Variants in COL22A1 observed in about 807,000 individuals in gnomAD.
The protein encoded by COL22A1 is collagen type XXII alpha 1 chain, also known as collagen alpha-1(XXII) chain.
Under a neutral mutation model 248.9 loss-of-function variants are expected in COL22A1, and 221 were observed. That is an observed-to-expected ratio of 0.89 (90% CI 0.80 to 0.99). The LOEUF (loss-of-function observed/expected upper bound fraction) is 0.99, where lower values mean the gene tolerates loss of function less well. Ranked by LOEUF, COL22A1 falls within the 50% of genes least tolerant of loss-of-function variation. The pLI, the probability that COL22A1 is intolerant of heterozygous loss-of-function variation, is 0.00. For synonymous variants in COL22A1, 891 were observed against 793.4 expected, an observed-to-expected ratio of 1.12 and a Z score of -2.07; for missense variants, 2,240 against 2,179.0, an observed-to-expected ratio of 1.03 and a Z score of -0.56.
intron 3 of COL22A1, among the ~76,000 whole-genome samples, chr8:138,876,250 A>G (rs1400162698): frequency 1.3e-5 from 2 of 151,972 alleles, no homozygotes; most frequent in East Asian, 1.9e-4. Context: ...ATCCTTCTCA[A>G]TCCCATGCAG....
At chr8:138,768,216 C>A (rs1434764808) in intron 16 of COL22A1, among the ~76,000 whole-genome samples, 1 of 152,198 alleles carries the variant, frequency 6.6e-6, no homozygotes, top group African/African-American at 2.4e-5. Context: ...GTTCCCATGG[C>A]CTGCAGGATG....
chr8:138,597,197 G>A (rs930460447), intron 61 of COL22A1, among the ~76,000 whole-genome samples: 1 of 152,158 alleles, frequency 6.6e-6, no homozygotes, highest in Admixed American at 6.5e-5. Context: ...GGCTCTCTGA[G>A]CCACTACTGC....
intron 13 of COL22A1, 58 bp from the exon 14 acceptor site, chr8:138,779,620 A>T: frequency 8.4e-7 from 1 of 1,193,524 alleles, no homozygotes; most frequent in South Asian, 1.2e-5. Flanking sequence ...CAGGTACACC[A>T]GAGAAGCCCA....
intron 3 of COL22A1, among the ~76,000 whole-genome samples, chr8:138,850,003 C>G (rs1821511064): frequency 6.6e-6 from 1 of 152,186 alleles, no homozygotes; most frequent in Non-Finnish European, 1.5e-5. Context: ...CCATATTTTA[C>G]AGGTGAACAA....
At chr8:138,629,962 G>A (rs1820572499) in intron 50 of COL22A1, among the ~76,000 whole-genome samples, 1 of 152,164 alleles carries the variant, frequency 6.6e-6, no homozygotes, top group African/African-American at 2.4e-5. Context: ...TTTATAAGAT[G>A]TGGATAATGA....
At chr8:138,761,780 G>C (rs1408383307) in intron 17 of COL22A1, among the ~76,000 whole-genome samples, 1 of 152,098 alleles carries the variant, frequency 6.6e-6, no homozygotes, top group Non-Finnish European at 1.5e-5. Flanking sequence ...GCGTTCACAT[G>C]GTTCAAAACT....
At chr8:138,805,317 G>GTGTGTGATGGTGGGGC (rs1817426302) in intron 10 of COL22A1, among the ~76,000 whole-genome samples, 1 of 96,190 alleles carries the variant, frequency 1.0e-5, no homozygotes, top group Non-Finnish European at 2.0e-5. Context: ...TGTTTGGTGT[G>GTGTGTGATGGTGGGGC]TGTGTGATGG....
chr8:138,636,107 A>G lies in COL22A1; in HGVS notation c.3555+635T>C, dbSNP rs114768263. On this transcript the variant is annotated intron_variant, in intron 48 of 64. Coordinates refer to ENST00000303045, the MANE Select transcript of COL22A1 (RefSeq NM_152888.3). ...AAAAGAGAACAGGGAAAAGGATGACAGCAGCAAAGCAGAAGGATAACAGTC... is the reference window on the plus strand; with the variant it reads ...AAAAGAGAACAGGGAAAAGGATGACGGCAGCAAAGCAGAAGGATAACAGTC... Among the ~76,000 whole-genome samples the G allele has an allele frequency of 6.7e-3, 1,028 of 152,304 alleles. 7 individuals carry two copies. Among genetic ancestry groups the G allele is most frequent in the African/African-American group, 0.024 (995 of 41,570 alleles).
intron 2 of COL22A1, among the ~76,000 whole-genome samples, chr8:138,879,673 A>G (rs1462372391): frequency 7.4e-6 from 1 of 135,502 alleles, no homozygotes; most frequent in Admixed American, 8.0e-5. Context: ...CCTGGGTGAC[A>G]GAGTGAGACA....
At chr8:138,848,048 A>T (rs1008084387) in intron 3 of COL22A1, among the ~76,000 whole-genome samples, 4 of 152,206 alleles carry the variant, frequency 2.6e-5, no homozygotes, top group Non-Finnish European at 5.9e-5. Context: ...ATCCCAATAA[A>T]TATGGAATTC....
chr8:138,606,360 C>T (rs1818421667), intron 58 of COL22A1, 21 bp downstream of exon 58: 4 of 1,605,706 alleles, frequency 2.5e-6, no homozygotes, highest in African/African-American at 1.3e-5. Context: ...ATCTTGGGCC[C>T]CACTGGGGTT....
intron 32 of COL22A1, among the ~76,000 whole-genome samples, chr8:138,696,372 C>A (rs571751082): frequency 1.3e-5 from 2 of 152,184 alleles, no homozygotes; most frequent in South Asian, 2.1e-4. Context: ...TTGCAAGACA[C>A]GGCTTTAGAG....
intron 3 of COL22A1, among the ~76,000 whole-genome samples, chr8:138,849,863 A>G (rs1391645859): frequency 1.3e-5 from 2 of 151,914 alleles, no homozygotes; most frequent in Admixed American, 6.6e-5. Context: ...ACCACTATCC[A>G]CAATCTCTGC....
rs1017139271 is a variant in COL22A1 at position 138,635,075 on chromosome 8, C to G, written c.3556-12G>C. Reference sequence around the variant, plus strand: ...ACTCCAGGATGACCCTAGGAAAACACAAGATGCAATTCTTTAAAATGACTT... The same window carrying G: ...ACTCCAGGATGACCCTAGGAAAACAGAAGATGCAATTCTTTAAAATGACTT... On this transcript the variant is annotated splice_polypyrimidine_tract_variant and intron_variant, in intron 48 of 64. Coordinates refer to ENST00000303045, the MANE Select transcript of COL22A1 (RefSeq NM_152888.3). 4 of 1,600,980 alleles carry G rather than the reference C, an allele frequency of 2.5e-6. No homozygotes were observed. In the Admixed American group the frequency reaches 7.0e-5, roughly 28 times the overall value.
intron 1 of COL22A1, among the ~76,000 whole-genome samples, chr8:138,906,066 A>G (rs952014147): frequency 3.9e-5 from 6 of 152,110 alleles, no homozygotes; most frequent in Non-Finnish European, 8.8e-5. Flanking sequence ...GCACTCTACA[A>G]GTAATATTAA....
chr8:138,895,299 G>A (rs1379905750), intron 1 of COL22A1, among the ~76,000 whole-genome samples: 1 of 152,060 alleles, frequency 6.6e-6, no homozygotes, highest in Non-Finnish European at 1.5e-5. Flanking sequence ...GGCAATTACA[G>A]CTTGAATGAG....
At chr8:138,871,955 A>G (rs1006821062) in intron 3 of COL22A1, among the ~76,000 whole-genome samples, 4 of 152,182 alleles carry the variant, frequency 2.6e-5, no homozygotes, top group Admixed American at 2.6e-4. Flanking sequence ...GTATCAGTAC[A>G]CCTACCAGAC....
At chr8:138,617,623 G>A (rs897385987) in intron 53 of COL22A1, among the ~76,000 whole-genome samples, 4 of 152,204 alleles carry the variant, frequency 2.6e-5, no homozygotes, top group African/African-American at 9.6e-5. Flanking sequence ...CTTAGTGGAT[G>A]TAAAGCTAAA....
At chr8:138,591,622 C>T (rs1470885210) in intron 63 of COL22A1, 121 bp from the exon 64 acceptor site, 2 of 596,708 alleles carry the variant, frequency 3.4e-6, no homozygotes, top group Non-Finnish European at 5.5e-6. Context: ...CAGTCTAAAC[C>T]ACCCTGAGCA....
Sources: gnomAD v4.1 joint callset for allele counts (sites outside exome capture counted in the v4.1 genomes callset) on GRCh38, gnomAD v4.1.1 for gene constraint, MANE v1.5 for transcripts, NCBI Gene and HGNC (gene_info 2026-07-23, HGNC 2026-07-21) for gene names.